Variants in CSGALNACT1 observed in about 807,000 individuals in gnomAD.
CSGALNACT1 encodes the protein beta4GalNAcT-1.
A neutral mutation model predicts 51.0 loss-of-function variants in CSGALNACT1; 52 were observed. The observed-to-expected ratio is 1.02, with a 90% CI of 0.82 to 1.29. The LOEUF is 1.29. Among genes scored for constraint, CSGALNACT1 ranks in the 50% most tolerant of loss-of-function variants. The pLI is 0.00. For synonymous variants in CSGALNACT1, 341 were observed against 254.4 expected, an observed-to-expected ratio of 1.34 and a Z score of -3.24; for missense variants, 935 against 679.2, an observed-to-expected ratio of 1.38 and a Z score of -4.19.
intron 1 of CSGALNACT1, among the ~76,000 whole-genome samples, chr8:19,613,002 G>T (rs75638807): frequency 1.6e-5 from 2 of 127,972 alleles, no homozygotes; most frequent in African/African-American, 6.0e-5. Context: ...AGGGAACTTG[G>T]TATCTTTAAG....
intron 3 of CSGALNACT1, among the ~76,000 whole-genome samples, chr8:19,509,063 G>A (rs188838783): frequency 2.8e-4 from 43 of 152,326 alleles, no homozygotes; most frequent in African/African-American, 1.0e-3. Context: ...AAGAACTGCT[G>A]CCAAGGAGGC....
chr8:19,467,933 C>G (rs1250304782), intron 4 of CSGALNACT1, among the ~76,000 whole-genome samples: 1 of 152,176 alleles, frequency 6.6e-6, no homozygotes, highest in Non-Finnish European at 1.5e-5. Flanking sequence ...CTGCAGTGAG[C>G]TGTGATTGCG....
chr8:19,519,796 G>C, intron 3 of CSGALNACT1, among the ~76,000 whole-genome samples: 1 of 152,196 alleles, frequency 6.6e-6, no homozygotes, highest in East Asian at 1.9e-4. Flanking sequence ...TCCCAGGGGT[G>C]GCATTCTGGT....
intron 1 of CSGALNACT1, among the ~76,000 whole-genome samples, chr8:19,718,928 A>G (rs1331695704): frequency 1.3e-5 from 2 of 152,222 alleles, no homozygotes; most frequent in Admixed American, 6.5e-5. Context: ...TATTATGGCT[A>G]TTAACATACG....
intron 4 of CSGALNACT1, among the ~76,000 whole-genome samples, chr8:19,496,058 G>A (rs2075389662): frequency 6.6e-6 from 1 of 152,116 alleles, no homozygotes; most frequent in Non-Finnish European, 1.5e-5. Context: ...GAGGAAGAGG[G>A]GGCTGATTCA....
At chr8:19,439,747 A>T in intron 6 of CSGALNACT1, 83 bp downstream of exon 5, 1 of 1,065,686 alleles carries the variant, frequency 9.4e-7, no homozygotes, top group African/African-American at 1.6e-5. Flanking sequence ...GGAAAATAAA[A>T]TTAAGCAGAA....
chr8:19,682,820 T>G, upstream of CSGALNACT1: 1 of 442,068 alleles, frequency 2.3e-6, no homozygotes, highest in Non-Finnish European at 4.6e-6. Context: ...CAGATAACAC[T>G]ATCCTGTTCT....
At chr8:19,636,348 A>G (rs2056062457) in intron 1 of CSGALNACT1, among the ~76,000 whole-genome samples, 1 of 151,860 alleles carries the variant, frequency 6.6e-6, no homozygotes, top group Non-Finnish European at 1.5e-5. Context: ...TATAATATAT[A>G]TTAGGGTTTG....
chr8:19,700,930 T>A (rs1052978621), intron 1 of CSGALNACT1, among the ~76,000 whole-genome samples: 1 of 152,060 alleles, frequency 6.6e-6, no homozygotes, highest in Non-Finnish European at 1.5e-5. Context: ...CCTTTCCCAA[T>A]ATCCACTGAA....
chr8:19,647,951 A>G lies in CSGALNACT1; in HGVS notation c.-544+34522T>C, dbSNP rs143782705. ...CAATCTCAGACCCTGGGCACAAGAGACAGTACTGCTAAGCCAAGGCACTTC... is the reference window on the plus strand; with the variant it reads ...CAATCTCAGACCCTGGGCACAAGAGGCAGTACTGCTAAGCCAAGGCACTTC... On this transcript the variant is annotated intron_variant, in intron 1 of 9. Coordinates refer to the CSGALNACT1 transcript ENST00000332246. 3.1e-4 allele frequency among the ~76,000 whole-genome samples: 47 copies of G among 152,330 alleles called. No individual in the cohort carries two copies. In the East Asian group the frequency reaches 8.5e-3, roughly 27 times the overall value.
chr8:19,563,759 C>T lies in CSGALNACT1; in HGVS notation c.-297+27401G>A, dbSNP rs1433245807. On this transcript the variant is annotated intron_variant, in intron 3 of 9. Coordinates refer to ENST00000454498, the Ensembl canonical transcript of CSGALNACT1. ...GATCCAGCCTCCTAACACAAGTCTG[C>T]TCAGATCCCTCTAAGCCTCAAATGT... Among the ~76,000 whole-genome samples, 4 of 152,198 alleles carry T rather than the reference C, an allele frequency of 2.6e-5. No homozygotes were observed. In the East Asian group the frequency reaches 7.7e-4, roughly 29 times the overall value.
intron 6 of CSGALNACT1, among the ~76,000 whole-genome samples, chr8:19,421,450 C>T (rs1249028850): frequency 1.3e-5 from 2 of 152,196 alleles, no homozygotes; most frequent in Non-Finnish European, 2.9e-5. Flanking sequence ...CCAGATAATA[C>T]TAGAGAACCA....
intron 1 of CSGALNACT1, among the ~76,000 whole-genome samples, chr8:19,664,001 A>G (rs897735299): frequency 6.6e-6 from 1 of 152,230 alleles, no homozygotes; most frequent in African/African-American, 2.4e-5. Context: ...AATTACCAGC[A>G]GACAGGCCGA....
chr8:19,740,731 A>G (rs1404594029), intron 1 of CSGALNACT1, among the ~76,000 whole-genome samples: 2 of 152,208 alleles, frequency 1.3e-5, no homozygotes, highest in African/African-American at 4.8e-5. Context: ...GGAAGGAAAT[A>G]GTTAACAATA....
chr8:19,591,457 G>C (rs1213587655), intron 2 of CSGALNACT1, among the ~76,000 whole-genome samples: 1 of 152,206 alleles, frequency 6.6e-6, no homozygotes, highest in East Asian at 1.9e-4. Flanking sequence ...GTCACTTATA[G>C]TCCTTTTTGG....
intron 3 of CSGALNACT1, among the ~76,000 whole-genome samples, chr8:19,586,008 C>G (rs922799623): frequency 6.6e-6 from 1 of 152,170 alleles, no homozygotes; most frequent in Non-Finnish European, 1.5e-5. Flanking sequence ...CCCATATCAC[C>G]TCAGTTTTCT....
At chr8:19,640,383 A>C (rs1286145294) in intron 1 of CSGALNACT1, among the ~76,000 whole-genome samples, 2 of 152,196 alleles carry the variant, frequency 1.3e-5, no homozygotes, top group African/African-American at 4.8e-5. Context: ...TTTCTCCTTG[A>C]TTCCTGAAAT....
At chr8:19,418,688 G>A in exon 8 of CSGALNACT1, 1 of 1,613,386 alleles carries the variant, frequency 6.2e-7, no homozygotes. Flanking sequence ...ACTGCATCAT[G>A]GTGGCCGTAT....
intron 3 of CSGALNACT1, among the ~76,000 whole-genome samples, chr8:19,526,952 TA>T (rs1239226975): frequency 6.6e-6 from 1 of 152,218 alleles, no homozygotes; most frequent in African/African-American, 2.4e-5. Flanking sequence ...CGTTAAATGC[TA>T]TGTTAAAGTC....
Sources: gnomAD v4.1 joint callset for allele counts (sites outside exome capture counted in the v4.1 genomes callset) on GRCh38, gnomAD v4.1.1 for gene constraint, MANE v1.5 for transcripts, NCBI Gene and HGNC (gene_info 2026-07-23, HGNC 2026-07-21) for gene names.